Variants in PHACTR3 observed in about 807,000 individuals in gnomAD.
PHACTR3 encodes protein phosphatase 1, regulatory subunit 123.
Under a neutral mutation model 66.8 loss-of-function variants are expected in PHACTR3, and 16 were observed. That is an observed-to-expected ratio of 0.24 (90% CI 0.16 to 0.36). The LOEUF is 0.36. Ranked by LOEUF, PHACTR3 falls within the 10% of genes least tolerant of loss-of-function variation. The pLI, the probability that PHACTR3 is intolerant of heterozygous loss-of-function variation, is 1.00. For synonymous variants in PHACTR3, 323 were observed against 292.1 expected (o/e 1.11, Z -1.08); for missense variants, 647 against 719.9 (o/e 0.90, Z 1.16).
At chr20:59,768,562 C>T (rs747737812) in intron 5 of PHACTR3, among the ~76,000 whole-genome samples, 2 of 152,222 alleles carry the variant, frequency 1.3e-5, no homozygotes, top group South Asian at 2.1e-4. Context: ...CTCCCCTCTG[C>T]GATCTCACCT....
At chr20:59,662,740 G>A (rs914099208) in intron 1 of PHACTR3, among the ~76,000 whole-genome samples, 1 of 152,080 alleles carries the variant, frequency 6.6e-6, no homozygotes, top group Non-Finnish European at 1.5e-5. Context: ...TTCTGCAATC[G>A]CTGAGGCAGG....
chr20:59,648,898 C>T (rs957131983), intron 1 of PHACTR3, among the ~76,000 whole-genome samples: 5 of 152,192 alleles, frequency 3.3e-5, no homozygotes, highest in Admixed American at 6.5e-5. Context: ...TGGCAACCAC[C>T]TACCCCAGAA....
At chr20:59,666,115 G>A (rs779241983) in intron 1 of PHACTR3, among the ~76,000 whole-genome samples, 7 of 152,104 alleles carry the variant, frequency 4.6e-5, no homozygotes, top group African/African-American at 1.2e-4. Flanking sequence ...GAGGCATGGC[G>A]GCCTGAGCTC....
chr20:59,795,141 T>C (rs951952820), intron 7 of PHACTR3, among the ~76,000 whole-genome samples: 3 of 152,164 alleles, frequency 2.0e-5, no homozygotes, highest in African/African-American at 4.8e-5. Context: ...GCATGCTTCC[T>C]TGTTACAACT....
intron 1 of PHACTR3, among the ~76,000 whole-genome samples, chr20:59,581,727 A>G (rs1226802842): frequency 6.6e-6 from 1 of 151,556 alleles, no homozygotes; most frequent in East Asian, 1.9e-4. Flanking sequence ...TAAAAATGCA[A>G]AAAATTAGCT....
At chr20:59,753,454 TGTG>T (rs1278864148) in intron 3 of PHACTR3, among the ~76,000 whole-genome samples, 1 of 152,088 alleles carries the variant, frequency 6.6e-6, no homozygotes. Context: ...GAGTCCTGGG[TGTG>T]GTGAGGACTC....
At chr20:59,659,082 A>C (rs2035724921) in intron 1 of PHACTR3, among the ~76,000 whole-genome samples, 1 of 151,802 alleles carries the variant, frequency 6.6e-6, no homozygotes, top group South Asian at 2.1e-4. Context: ...GGTTCATTTT[A>C]AAAATCTCTT....
chr20:59,774,510 T>C lies in PHACTR3; in HGVS notation c.1174+20T>C. The C allele has an allele frequency of 1.2e-6, 2 of 1,609,678 alleles. No individual in the cohort carries two copies. Among genetic ancestry groups the C allele is most frequent in the Non-Finnish European group, 1.7e-6 (2 of 1,177,954 alleles). On this transcript the variant is annotated intron_variant, in intron 7 of 12. Transcript: ENST00000371015. ...TTTCTGGTGAGGAAAGGATGGCCCA[T>C]TAAGTGTGGGGATCTCGGCCAGAGG...
At position 59,598,883 on chromosome 20, in the gene PHACTR3, G is replaced by C. The variant is rs192828227; in HGVS notation, c.109+21266G>C. ...TGGCCTGTGTCAGAGTGGTGGTTTT[G>C]CCTTCATCTTTCCTTGGGTCCTGGA... On this transcript the variant is annotated intron_variant, in intron 1 of 12. Transcript: ENST00000359926. Among the ~76,000 whole-genome samples, 20 of 152,312 alleles carry C rather than the reference G, an allele frequency of 1.3e-4. No individual in the cohort carries two copies. The East Asian group carries it at 3.7e-3, about 28-fold the overall frequency.
intron 1 of PHACTR3, among the ~76,000 whole-genome samples, chr20:59,660,494 A>AAAAC (rs1412803485): frequency 2.6e-5 from 4 of 152,236 alleles, no homozygotes; most frequent in Admixed American, 6.5e-5. Flanking sequence ...TCCGTCTCAA[A>AAAAC]AAACAAACAA....
At chr20:59,629,430 T>C (rs1345078967) in intron 1 of PHACTR3, among the ~76,000 whole-genome samples, 1 of 152,210 alleles carries the variant, frequency 6.6e-6, no homozygotes, top group Non-Finnish European at 1.5e-5. Context: ...TGCTGCAGAC[T>C]GGGGGATTCC....
In PHACTR3 at chr20:59,847,634, C is replaced by CA. The variant is rs1331745742; in HGVS notation, c.*510dup. ...TTTTCCTTTTTTATATAATGTCTAA[C>CA]AAAAAATACAGCTGCAACATTTTGA... On this transcript the variant is annotated 3_prime_UTR_variant, in exon 13 of 13. Transcript: ENST00000371015. The CA allele has an allele frequency of 2.6e-5, 4 of 152,748 alleles. No individual in the cohort carries two copies. In the South Asian group the frequency reaches 8.3e-4, roughly 32 times the overall value. The allele number at this position is 152,748 out of a possible 1,614,324, so 9.5% of individuals were successfully genotyped here. A position where few individuals can be genotyped will look rare whatever the true frequency, so the allele number is the denominator to read the frequency against.
At chr20:59,647,824 A>G (rs920274505) in intron 1 of PHACTR3, among the ~76,000 whole-genome samples, 2 of 152,206 alleles carry the variant, frequency 1.3e-5, no homozygotes, top group Admixed American at 1.3e-4. Flanking sequence ...GTGAATCTCA[A>G]TGAGGTGCTT....
At chr20:59,803,965 C>T (rs1264890818) in intron 7 of PHACTR3, among the ~76,000 whole-genome samples, 2 of 152,210 alleles carry the variant, frequency 1.3e-5, no homozygotes, top group African/African-American at 2.4e-5. Context: ...TCAGCTTCTA[C>T]CTCCTGCTCA....
At position 59,840,394 on chromosome 20, in the gene PHACTR3, A is replaced by G; in HGVS notation, c.1410A>G (p.Glu470=). ...AAAGGAATGATCAGACAGAGCAGGA[A>G]GAAAGAAGAGAAATCAAGCAAAGAT... ...LKQRNDQTEQ[E]ERREIKQRLT... is the part of the protein sequence containing the mutation. The change falls in exon 10 of 13, where the codon GAA becomes GAG. Residue 470 remains glutamate (E), a synonymous_variant. Coordinates refer to ENST00000371015, the MANE Select transcript of PHACTR3 (RefSeq NM_080672.5). 8 of 1,613,004 alleles carry G rather than the reference A, an allele frequency of 5.0e-6. No individual in the cohort carries two copies. The highest frequency in any genetic ancestry group is 6.8e-6 in the Non-Finnish European group (8 of 1,179,162).
intron 8 of PHACTR3, among the ~76,000 whole-genome samples, chr20:59,831,618 C>G (rs893926276): frequency 6.6e-6 from 1 of 152,176 alleles, no homozygotes. Flanking sequence ...TTCTACACCC[C>G]CACCTACCCC....
At chr20:59,835,765 T>A (rs2042507825) in intron 8 of PHACTR3, 1 of 152,136 alleles carries the variant, frequency 6.6e-6, no homozygotes. Context: ...AAAGAAATAA[T>A]AATTTGTCTT....
chr20:59,773,290 C>A lies in PHACTR3; in HGVS notation c.763C>A (p.Leu255Ile). The A allele has an allele frequency of 6.2e-7, 1 of 1,613,864 alleles. No homozygotes were observed. The highest frequency in any genetic ancestry group is 8.5e-7 in the Non-Finnish European group (1 of 1,179,852). ...CTCCCACACCCCAGGCCAAGCCACA[C>A]TCTTCCAAGCCTCCAGCATGAAGAG... The part of the protein sequence containing the change: ...TTKNVTGQAT[L>I]FQASSMKSAD... The change falls in exon 6 of 13, where the codon CTC (leucine) becomes ATC (isoleucine). Residue 255 changes from leucine (L) to isoleucine (I), a missense_variant. By Grantham distance (5) the Leu-to-Ile change is conservative (BLOSUM62 2). Around this residue, in one of 2 missense-constraint regions of PHACTR3, gnomAD observed 577 missense variants for 571.1 expected, o/e 1.01. Coordinates refer to ENST00000371015, the MANE Select transcript of PHACTR3 (RefSeq NM_080672.5).
intron 1 of PHACTR3, among the ~76,000 whole-genome samples, chr20:59,610,602 T>C (rs2033817235): frequency 6.6e-6 from 1 of 152,282 alleles, no homozygotes; most frequent in South Asian, 2.1e-4. Flanking sequence ...GTTTCCTCAG[T>C]TGTAGCCACA....
Sources: allele counts gnomAD v4.1 joint callset (sites outside exome capture counted in the v4.1 genomes callset), GRCh38; gene constraint gnomAD v4.1.1; regional missense constraint gnomAD v4.1.1; transcripts MANE v1.5; gene names NCBI Gene and HGNC (gene_info 2026-07-23, HGNC 2026-07-21).